Variants in PHTF1 observed in about 807,000 individuals in gnomAD.
The protein encoded by PHTF1 is protein PHTF1.
In PHTF1, 88 loss-of-function variants were observed where a neutral mutation model predicts 102.4. That is an observed-to-expected ratio of 0.86 (90% CI 0.72 to 1.03). PHTF1 has a LOEUF of 1.03. Among genes scored for constraint, PHTF1 ranks in the 50% least tolerant of loss-of-function variants. The pLI, the probability that PHTF1 is intolerant of heterozygous loss-of-function variation, is 0.00. For missense variants in PHTF1, 814 were observed against 909.5 expected, an observed-to-expected ratio of 0.89 and a Z score of 1.35; for synonymous variants, 289 against 305.2, an observed-to-expected ratio of 0.95 and a Z score of 0.55.
intron 11 of PHTF1, among the ~76,000 whole-genome samples, chr1:113,709,393 A>C (rs556885544): frequency 2.0e-5 from 3 of 152,360 alleles, no homozygotes; most frequent in Admixed American, 2.0e-4. Context: ...ATATATATCC[A>C]TCATCCACTA....
At chr1:113,748,806 A>C (rs1657594787) in intron 3 of PHTF1, among the ~76,000 whole-genome samples, 1 of 152,204 alleles carries the variant, frequency 6.6e-6, no homozygotes, top group African/African-American at 2.4e-5. Flanking sequence ...TGCTGAGATT[A>C]CAGGCGTGAG....
At chr1:113,745,306 T>A (rs558499543) in intron 3 of PHTF1, among the ~76,000 whole-genome samples, 48 of 152,176 alleles carry the variant, frequency 3.2e-4, no homozygotes, top group African/African-American at 1.1e-3. Flanking sequence ...CAAATTTGTG[T>A]TAAAACAGAA....
chr1:113,709,490 G>C (rs1650728618), intron 11 of PHTF1, among the ~76,000 whole-genome samples: 1 of 152,174 alleles, frequency 6.6e-6, no homozygotes, highest in African/African-American at 2.4e-5. Context: ...CTGAAAGGTT[G>C]ATAAGTGAAC....
intron 7 of PHTF1, among the ~76,000 whole-genome samples, chr1:113,719,827 T>A (rs1455966654): frequency 1.3e-5 from 2 of 152,158 alleles, no homozygotes; most frequent in African/African-American, 4.8e-5. Flanking sequence ...ATGCTGTTGA[T>A]AAAGACATAC....
intron 7 of PHTF1, chr1:113,714,847 C>G (rs751996654): frequency 6.6e-6 from 1 of 152,424 alleles, no homozygotes; most frequent in Non-Finnish European, 1.5e-5. Context: ...TGGCTTCAGA[C>G]CTGACCCAGG....
intron 5 of PHTF1, among the ~76,000 whole-genome samples, chr1:113,727,819 T>C (rs1307376531): frequency 6.6e-6 from 1 of 151,802 alleles, no homozygotes; most frequent in Non-Finnish European, 1.5e-5. Context: ...CCAAAAAAAT[T>C]AGCCAAACAT....
At chr1:113,726,677 AG>A in intron 5 of PHTF1, 103 bp from the exon 6 acceptor site, 1 of 763,204 alleles carries the variant, frequency 1.3e-6, no homozygotes. Flanking sequence ...CATTTAAAAA[AG>A]TACACAAATA....
At chr1:113,731,239 C>G (rs966593191) in intron 5 of PHTF1, among the ~76,000 whole-genome samples, 1 of 151,986 alleles carries the variant, frequency 6.6e-6, no homozygotes, top group Non-Finnish European at 1.5e-5. Flanking sequence ...GAAAAAAATC[C>G]AGGGCTGGGT....
At chr1:113,701,229 C>T (rs866705719) in intron 15 of PHTF1, among the ~76,000 whole-genome samples, 1 of 152,184 alleles carries the variant, frequency 6.6e-6, no homozygotes, top group Admixed American at 6.5e-5. Context: ...CTTTAACTAT[C>T]AGTGTGTCCA....
At chr1:113,723,396 T>TTG (rs1328769011) in intron 7 of PHTF1, among the ~76,000 whole-genome samples, 1 of 152,190 alleles carries the variant, frequency 6.6e-6, no homozygotes, top group Admixed American at 6.5e-5. Flanking sequence ...CAGGCTGGTC[T>TTG]TGAACTCCTG....
Position 113,706,532 on chromosome 1 carries a change from T to C in PHTF1, c.1398+62A>G, listed in dbSNP as rs565120640. 5.8e-6 allele frequency: 8 copies of C among 1,377,850 alleles called. No individual in the cohort carries two copies. The African/African-American group carries it at 8.7e-5, about 15-fold the overall frequency. The allele number at this position is 1,377,850 out of a possible 1,614,324, so 85.4% of individuals were successfully genotyped here. ...TGTTTTAATCACTAAGAGATTCTTA[T>C]AAAATAGCTCCTGATCACTTCGTAT... On this transcript the variant is annotated intron_variant, in intron 12 of 18. Coordinates refer to ENST00000369604, the MANE Select transcript of PHTF1 (RefSeq NM_001323043.2).
chr1:113,739,145 G>C (rs936786284), intron 3 of PHTF1, among the ~76,000 whole-genome samples: 1 of 152,036 alleles, frequency 6.6e-6, no homozygotes, highest in African/African-American at 2.4e-5. Context: ...TAGCCTCTGC[G>C]CCCAGCCAGA....
chr1:113,738,967 T>G (rs1014739103), intron 3 of PHTF1, among the ~76,000 whole-genome samples, 168 bp from the exon 4 acceptor site: 1 of 152,202 alleles, frequency 6.6e-6, no homozygotes, highest in African/African-American at 2.4e-5. Context: ...TTCTCCTGCC[T>G]CAGCCTCCTG....
At chr1:113,700,687 G>T in intron 16 of PHTF1, 107 bp downstream of exon 16, 1 of 1,018,448 alleles carries the variant, frequency 9.8e-7, no homozygotes. Flanking sequence ...CCTGTAGCTA[G>T]AAAGTGACAG....
intron 3 of PHTF1, among the ~76,000 whole-genome samples, chr1:113,744,599 C>A (rs1003747877): frequency 2.6e-5 from 4 of 152,156 alleles, no homozygotes; most frequent in Non-Finnish European, 4.4e-5. Context: ...AAAATAGTAT[C>A]TAACCTGATA....
At chr1:113,713,035 C>A (rs1651390279) in intron 8 of PHTF1, among the ~76,000 whole-genome samples, 1 of 152,106 alleles carries the variant, frequency 6.6e-6, no homozygotes, top group South Asian at 2.1e-4. Flanking sequence ...TCGTGATCCG[C>A]CTGTCTCGGC....
chr1:113,712,517 T>C (rs565028909), intron 8 of PHTF1, among the ~76,000 whole-genome samples: 2 of 152,348 alleles, frequency 1.3e-5, no homozygotes, highest in South Asian at 4.1e-4. Context: ...ATACGTAAAG[T>C]ACTCAGAACA....
chr1:113,758,624 G>A, intron 2 of PHTF1, 35 bp downstream of exon 2: 1 of 1,297,332 alleles, frequency 7.7e-7, no homozygotes, highest in Non-Finnish European at 1.1e-6. Context: ...CAGGAAGAAT[G>A]CTTTACAAAT....
intron 11 of PHTF1, among the ~76,000 whole-genome samples, chr1:113,707,524 C>T (rs967848214): frequency 2.0e-5 from 3 of 152,170 alleles, no homozygotes; most frequent in African/African-American, 7.2e-5. Context: ...ATGTTGTCCT[C>T]TATTTGTTTC....
Sources: allele counts gnomAD v4.1 joint callset (sites outside exome capture counted in the v4.1 genomes callset), GRCh38; gene constraint gnomAD v4.1.1; transcripts MANE v1.5; gene names NCBI Gene and HGNC (gene_info 2026-07-23, HGNC 2026-07-21).